NTRK3: variants seen among roughly 807,000 people sequenced by gnomAD.
NTRK3 encodes the protein neurotrophic receptor tyrosine kinase 3.
NTRK3 carries 24 observed loss-of-function variants against 91.7 expected under a neutral mutation model. That is an observed-to-expected ratio of 0.26 (90% confidence interval 0.19 to 0.37). The LOEUF is 0.37. Among genes scored for constraint, NTRK3 ranks in the 10% least tolerant of loss-of-function variants. NTRK3 has a pLI of 1.00. For missense variants in NTRK3, 880 were observed against 1,068.9 expected (o/e 0.82, Z 2.46); for synonymous variants, 483 against 404.0 (o/e 1.20, Z -2.34).
chr15:88,158,399 C>T (rs148042619), intron 5 of NTRK3, among the ~76,000 whole-genome samples: 7 of 152,322 alleles, frequency 4.6e-5, no homozygotes, highest in Admixed American at 1.3e-4. Flanking sequence ...GCAGCACCTG[C>T]TCCCCTAGGG....
At chr15:88,256,686 C>A (rs2054084936) in exon 1 of NTRK3, 2 of 391,838 alleles carry the variant, frequency 5.1e-6, no homozygotes, top group South Asian at 1.4e-4. Context: ...GCAGTAGGAG[C>A]TGCAGCAGCC....
intron 13 of NTRK3, among the ~76,000 whole-genome samples, chr15:88,082,857 C>T (rs1378175106): frequency 6.6e-6 from 1 of 152,198 alleles, no homozygotes; most frequent in African/African-American, 2.4e-5. Context: ...ATCTCTTTTA[C>T]ACAGGGGCTT....
chr15:88,219,625 C>G (rs2050076031), intron 3 of NTRK3, among the ~76,000 whole-genome samples: 1 of 152,212 alleles, frequency 6.6e-6, no homozygotes, highest in African/African-American at 2.4e-5. Flanking sequence ...AGCTGTGAAC[C>G]AGCACTTCCA....
Position 87,991,075 on chromosome 15 carries a change from T to A in NTRK3, c.1585+41782A>T, listed in dbSNP as rs148649146. ...TCCACTCTTTGATCATTTTACCTTG[T>A]TCATTCCACAGAATGTGGCACCTTG... On this transcript the variant is annotated intron_variant, in intron 14 of 18. Coordinates refer to ENST00000394480, the Ensembl canonical transcript of NTRK3. Among the ~76,000 whole-genome samples, 31 of 152,324 alleles carry A rather than the reference T, an allele frequency of 2.0e-4. 1 individual carries two copies. In the East Asian group the frequency reaches 5.8e-3, roughly 28 times the overall value.
chr15:88,252,341 C>T (rs1049313368), intron 3 of NTRK3, among the ~76,000 whole-genome samples: 3 of 152,066 alleles, frequency 2.0e-5, no homozygotes, highest in East Asian at 1.9e-4. Flanking sequence ...GCCAAAGCCC[C>T]GAATGATCCT....
intron 13 of NTRK3, among the ~76,000 whole-genome samples, chr15:88,112,109 T>C (rs1469475495): frequency 1.3e-5 from 2 of 152,132 alleles, no homozygotes; most frequent in Non-Finnish European, 2.9e-5. Flanking sequence ...GGTTTCACAA[T>C]GTTAGCCAGG....
At position 88,033,046 on chromosome 15, in the gene NTRK3, C is replaced by T. The variant is rs2142024238; in HGVS notation, c.1397-1G>A. 1 of 1,574,540 alleles carries T rather than the reference C, an allele frequency of 6.4e-7. No individual in the cohort carries two copies. The highest frequency in any genetic ancestry group is 8.6e-7 in the Non-Finnish European group (1 of 1,159,496). On this transcript the variant is annotated splice_acceptor_variant, in intron 13 of 18. Transcript: ENST00000394480. LOFTEE classifies it high-confidence loss of function. The stretch of plus-strand genomic sequence containing the variant: ...TCACCACTGATGACAGCCACGGGAC[C>T]TGCACACACCAAGAGAGACGCAGGA...
chr15:88,106,967 G>A (rs1029613073), intron 13 of NTRK3, among the ~76,000 whole-genome samples: 7 of 151,316 alleles, frequency 4.6e-5, no homozygotes, highest in South Asian at 2.1e-4. Flanking sequence ...TGGGAATATA[G>A]ATACTCAGGT....
chr15:87,963,071 C>T (rs915386668), intron 14 of NTRK3, among the ~76,000 whole-genome samples: 2 of 152,144 alleles, frequency 1.3e-5, no homozygotes, highest in African/African-American at 4.8e-5. Flanking sequence ...AATAATGTTT[C>T]AGAAGGAGAT....
At chr15:88,144,886 G>A (rs1366611898) in intron 6 of NTRK3, among the ~76,000 whole-genome samples, 1 of 152,170 alleles carries the variant, frequency 6.6e-6, no homozygotes, top group African/African-American at 2.4e-5. Context: ...TTGGGGTACA[G>A]CAGAGGTCCT....
chr15:88,177,593 T>G (rs1025848286), intron 5 of NTRK3, among the ~76,000 whole-genome samples: 6 of 152,120 alleles, frequency 3.9e-5, no homozygotes, highest in Admixed American at 3.9e-4. Context: ...ACAAGAAGCA[T>G]TGAGGAAGAA....
intron 13 of NTRK3, among the ~76,000 whole-genome samples, chr15:88,117,463 A>AATACCTGTT (rs1295817696): frequency 6.6e-6 from 1 of 152,224 alleles, no homozygotes; most frequent in African/African-American, 2.4e-5. Context: ...GAAGTACAGA[A>AATACCTGTT]ATACCTGTTT....
At chr15:87,932,885 G>T in intron 16 of NTRK3, 127 bp downstream of exon 16, 1 of 945,422 alleles carries the variant, frequency 1.1e-6, no homozygotes, top group Non-Finnish European at 1.7e-6. Flanking sequence ...GAATGAATGT[G>T]TTCATCTAAT....
intron 13 of NTRK3, among the ~76,000 whole-genome samples, chr15:88,092,884 G>A (rs1297386934): frequency 6.6e-6 from 1 of 152,090 alleles, no homozygotes; most frequent in Non-Finnish European, 1.5e-5. Context: ...TTACAAAAAT[G>A]CACATTCTTG....
intron 13 of NTRK3, among the ~76,000 whole-genome samples, chr15:88,116,930 C>A (rs1229884880): frequency 1.3e-5 from 2 of 152,214 alleles, no homozygotes; most frequent in Non-Finnish European, 2.9e-5. Flanking sequence ...GCACATCGAA[C>A]AAGCTCCCAG....
At chr15:88,098,475 A>G (rs2049849490) in intron 13 of NTRK3, 1 of 206,890 alleles carries the variant, frequency 4.8e-6, no homozygotes, top group African/African-American at 2.3e-5. Flanking sequence ...CGCATGAGAC[A>G]TTAAGGCGCT....
chr15:88,243,827 GC>G lies in NTRK3; in HGVS notation c.248+12078del, dbSNP rs1034121280. On this transcript the variant is annotated intron_variant, in intron 3 of 18. Transcript: ENST00000394480. This position sits in a 1 kb window ranked among gnomAD's most constrained non-coding sequence, Gnocchi z 4.8. The stretch of plus-strand genomic sequence containing the variant: ...TTCATCACAATCAACTTAGTCAGTT[GC>G]CCATGTGGTTTCTCCAGTTGTGACT... Among the ~76,000 whole-genome samples the G allele has an allele frequency of 6.6e-6, 1 of 152,112 alleles. No individual in the cohort carries two copies. The highest frequency in any genetic ancestry group is 2.4e-5 in the African/African-American group (1 of 41,404).
chr15:87,963,590 G>C (rs1235525937), intron 14 of NTRK3, among the ~76,000 whole-genome samples: 1 of 152,176 alleles, frequency 6.6e-6, no homozygotes, highest in Non-Finnish European at 1.5e-5. Context: ...AGTAAGCTTT[G>C]TGTTACATGA....
Position 88,255,463 on chromosome 15 carries a change from G to A in NTRK3, c.248+443C>T, listed in dbSNP as rs1458648702. ...GCAGTCCCTATCTGTCACCTTCCCT[G>A]CCGGCTAAGCGCTGCCGCCGCTGCC... On this transcript the variant is annotated intron_variant, in intron 3 of 18. Transcript: ENST00000394480. The surrounding 1 kb of genome is among the most constrained non-coding windows in gnomAD (Gnocchi z 4.3). 6.6e-6 allele frequency among the ~76,000 whole-genome samples: 1 copy of A among 152,232 alleles called. No individual in the cohort carries two copies. Among genetic ancestry groups the A allele is most frequent in the Non-Finnish European group, 1.5e-5 (1 of 68,032 alleles).
Sources: gnomAD v4.1 joint callset for allele counts (sites outside exome capture counted in the v4.1 genomes callset) on GRCh38, gnomAD v4.1.1 for gene constraint, Gnocchi (gnomAD v3.1) non-coding constraint, MANE v1.5 for transcripts, NCBI Gene and HGNC (gene_info 2026-07-23, HGNC 2026-07-21) for gene names.